Variants in FMNL2 observed in about 807,000 individuals in gnomAD.
FMNL2 encodes formin-like protein 2.
A neutral mutation model predicts 130.2 loss-of-function variants in FMNL2; 51 were observed. The ratio of observed to expected loss-of-function variants is 0.39; its 90% CI spans 0.31 to 0.49. The LOEUF is 0.49. Among genes scored for constraint, FMNL2 ranks in the 20% least tolerant of loss-of-function variants. FMNL2 has a pLI of 0.85. For missense variants in FMNL2, 977 were observed against 1,316.2 expected, an observed-to-expected ratio of 0.74 and a Z score of 3.99; for synonymous variants, 465 against 467.1, an observed-to-expected ratio of 1.00 and a Z score of 0.06.
At chr2:152,368,380 G>A (rs1683683939) in intron 1 of FMNL2, among the ~76,000 whole-genome samples, 1 of 152,052 alleles carries the variant, frequency 6.6e-6, no homozygotes, top group Admixed American at 6.6e-5. Flanking sequence ...TCAGAGTGTG[G>A]TTGCTACTAA....
intron 10 of FMNL2, among the ~76,000 whole-genome samples, chr2:152,608,360 G>GA (rs869134530): frequency 0.13 from 2,214 of 16,436 alleles, 178 homozygotes; most frequent in African/African-American, 0.23. Flanking sequence ...CCCTTTTTGT[G>GA]AAAAAAAAAA....
At chr2:152,625,679 G>A (rs1681738535) in intron 16 of FMNL2, 117 bp downstream of exon 16, 1 of 1,210,008 alleles carries the variant, frequency 8.3e-7, no homozygotes. Context: ...GTCCCCTGAT[G>A]TAAAGAAGAA....
intron 1 of FMNL2, among the ~76,000 whole-genome samples, chr2:152,408,863 C>A (rs1206393156): frequency 6.6e-6 from 1 of 152,086 alleles, no homozygotes; most frequent in South Asian, 2.1e-4. Flanking sequence ...GAATATATAT[C>A]GCTTTTGCAC....
chr2:152,628,861 GTCT>G (rs1387328970), intron 18 of FMNL2, among the ~76,000 whole-genome samples: 5 of 152,200 alleles, frequency 3.3e-5, no homozygotes, highest in Non-Finnish European at 7.3e-5. Flanking sequence ...GAAGATACTA[GTCT>G]TCTGGCAGTG....
At chr2:152,374,445 C>G (rs576052815) in intron 1 of FMNL2, among the ~76,000 whole-genome samples, 1 of 152,024 alleles carries the variant, frequency 6.6e-6, no homozygotes, top group Non-Finnish European at 1.5e-5. Flanking sequence ...CAACTCCAGA[C>G]AAGTGACTGC....
chr2:152,561,801 C>G (rs929353141), intron 6 of FMNL2, among the ~76,000 whole-genome samples: 1 of 152,146 alleles, frequency 6.6e-6, no homozygotes, highest in Non-Finnish European at 1.5e-5. Context: ...TGGTCTCGAA[C>G]TCCTGACCTC....
intron 1 of FMNL2, among the ~76,000 whole-genome samples, chr2:152,486,912 C>T (rs1690859308): frequency 6.6e-6 from 1 of 152,142 alleles, no homozygotes; most frequent in African/African-American, 2.4e-5. Flanking sequence ...CAGAAATGAG[C>T]CGTTAGTAAA....
At chr2:152,584,745 C>T (rs1696972564) in intron 9 of FMNL2, among the ~76,000 whole-genome samples, 1 of 152,182 alleles carries the variant, frequency 6.6e-6, no homozygotes, top group Non-Finnish European at 1.5e-5. Context: ...TATTATTTGG[C>T]TGTTGAAAGA....
At position 152,601,671 on chromosome 2, in the gene FMNL2, C is replaced by CTTTTT. The variant is rs34914295; in HGVS notation, c.877-5656_877-5652dup. ...GGCTCTCTTTTCTTTTCTTTTCTTT[C>CTTTTT]TTTTTTTTTTTTTTTTGAGACAGAG... On this transcript the variant is annotated intron_variant, in intron 9 of 25. Coordinates refer to ENST00000288670, the MANE Select transcript of FMNL2 (RefSeq NM_052905.4). Among the ~76,000 whole-genome samples the CTTTTT allele has an allele frequency of 1.8e-3, 187 of 103,432 alleles. 5 individuals carry two copies. The highest frequency in any genetic ancestry group is 6.5e-3 in the Middle Eastern group (1 of 154). 67.9% of individuals were successfully genotyped at this position (103,432 alleles called of 152,430 possible).
chr2:152,533,963 A>G (rs1054407367), intron 2 of FMNL2, among the ~76,000 whole-genome samples: 1 of 152,118 alleles, frequency 6.6e-6, no homozygotes, highest in Admixed American at 6.6e-5. Flanking sequence ...GCCTTTGTAG[A>G]GAGAGATGGT....
intron 1 of FMNL2, among the ~76,000 whole-genome samples, chr2:152,492,265 A>G (rs1011755232): frequency 2.0e-5 from 3 of 152,032 alleles, no homozygotes; most frequent in Non-Finnish European, 2.9e-5. Flanking sequence ...ATCAGTCTCT[A>G]TCTCCAAAAG....
chr2:152,562,314 G>T (rs141550188), intron 6 of FMNL2, among the ~76,000 whole-genome samples: 3 of 152,150 alleles, frequency 2.0e-5, no homozygotes, highest in East Asian at 3.9e-4. Flanking sequence ...GCATGATCTG[G>T]CAAGAGGACA....
At chr2:152,504,630 A>G (rs552408574) in intron 1 of FMNL2, among the ~76,000 whole-genome samples, 1 of 152,256 alleles carries the variant, frequency 6.6e-6, no homozygotes, top group Admixed American at 6.5e-5. Context: ...TTCATGCTCA[A>G]AATTTTGAGA....
intron 1 of FMNL2, among the ~76,000 whole-genome samples, chr2:152,514,768 C>G (rs10168793): frequency 0.32 from 49,360 of 152,118 alleles, 8,298 homozygotes; most frequent in East Asian, 0.54. Context: ...CTCTCTCTCT[C>G]TCACAAAATA....
intron 1 of FMNL2, among the ~76,000 whole-genome samples, chr2:152,366,843 G>A (rs1683585018): frequency 6.6e-6 from 1 of 152,090 alleles, no homozygotes; most frequent in Non-Finnish European, 1.5e-5. Context: ...GTGTGTACCT[G>A]TAGTCTCAGC....
chr2:152,648,938 A>C lies in FMNL2; in HGVS notation c.*1033A>C, dbSNP rs1255445657. On this transcript the variant is annotated 3_prime_UTR_variant, in exon 26 of 26. Coordinates refer to ENST00000288670, the MANE Select transcript of FMNL2 (RefSeq NM_052905.4). ...AAGTATTAACATGGTATTAAGCTTA[A>C]ATAATACGTAATGGGACTAGATGGC... 6.6e-6 allele frequency: 1 copy of C among 152,624 alleles called. No individual in the cohort carries two copies. Among genetic ancestry groups the C allele is most frequent in the Non-Finnish European group, 1.5e-5 (1 of 68,046 alleles). The allele number at this position is 152,624 out of a possible 1,614,324, so 9.5% of individuals were successfully genotyped here.
At chr2:152,341,178 G>T (rs1410776940) in intron 1 of FMNL2, among the ~76,000 whole-genome samples, 1 of 152,214 alleles carries the variant, frequency 6.6e-6, no homozygotes, top group Admixed American at 6.5e-5. Flanking sequence ...GGAAGAGAGT[G>T]TGGAAGAGGG....
chr2:152,508,759 C>T (rs540753715), intron 1 of FMNL2, among the ~76,000 whole-genome samples: 7 of 152,298 alleles, frequency 4.6e-5, no homozygotes, highest in East Asian at 3.9e-4. Context: ...CAGCCAGGGT[C>T]GTGTCCCCCA....
intron 1 of FMNL2, among the ~76,000 whole-genome samples, chr2:152,352,562 A>G (rs532622703): frequency 5.3e-5 from 8 of 152,330 alleles, no homozygotes; most frequent in Admixed American, 1.3e-4. Context: ...CAAGCTCATC[A>G]TCTTTTCAGT....
Sources: allele counts gnomAD v4.1 joint callset (sites outside exome capture counted in the v4.1 genomes callset), GRCh38; gene constraint gnomAD v4.1.1; transcripts MANE v1.5; gene names NCBI Gene and HGNC (gene_info 2026-07-23, HGNC 2026-07-21).